The following KIAA1755 variants were observed in gnomAD, a reference collection of about 807,000 sequenced individuals.
KIAA1755 encodes the protein uncharacterized protein KIAA1755.
A neutral mutation model predicts 91.7 loss-of-function variants in KIAA1755; 68 were observed. The ratio of observed to expected loss-of-function variants is 0.74; its 90% confidence interval spans 0.61 to 0.91. The LOEUF (loss-of-function observed/expected upper bound fraction) is 0.91. Ranked by LOEUF, KIAA1755 falls within the 40% of genes least tolerant of loss-of-function variation. The pLI is 0.00. For missense variants in KIAA1755, 1,535 were observed against 1,494.4 expected (o/e 1.03, Z -0.45); for synonymous variants, 610 against 604.6 (o/e 1.01, Z -0.13).
At chr20:38,234,594 G>T (rs1282757100) in intron 4 of KIAA1755, among the ~76,000 whole-genome samples, 2 of 152,214 alleles carry the variant, frequency 1.3e-5, no homozygotes, top group Non-Finnish European at 2.9e-5. Context: ...AGTTCAGCAG[G>T]CCTGAGATTC....
At chr20:38,249,781 T>G (rs73108419) in intron 1 of KIAA1755, among the ~76,000 whole-genome samples, 57,953 of 151,170 alleles carry the variant, frequency 0.38, 11,457 homozygotes, top group Middle Eastern at 0.5. Context: ...TCTGGCCCGG[T>G]GTCCTCTTCT....
Position 38,213,702 on chromosome 20 carries a change from C to T in KIAA1755, c.2943G>A (p.Gln981=), listed in dbSNP as rs753594981. ...CCCTTGAGGTCTTGTCCAGCCTGAG[C>T]TGGGCCATCAGGTCCTGACAGTCCA... ...FHMDCQDLMA[Q]LRLDKTSRVS... is the part of the protein sequence containing the mutation. The change falls in exon 14 of 14, where the codon CAG becomes CAA. Residue 981 remains glutamine, a synonymous_variant. Transcript: ENST00000279024. The T allele has an allele frequency of 1.2e-5, 18 of 1,533,564 alleles. No homozygotes were observed. The highest frequency in any genetic ancestry group is 1.6e-5 in the Non-Finnish European group (18 of 1,140,168). 95.0% of individuals were successfully genotyped at this position (1,533,564 alleles called of 1,614,324 possible). A position where few individuals can be genotyped will look rare whatever the true frequency, so the allele number is the denominator to read the frequency against.
intron 13 of KIAA1755, chr20:38,216,884 G>C (rs1240014327): frequency 4.0e-6 from 2 of 502,296 alleles, no homozygotes; most frequent in African/African-American, 3.8e-5. Context: ...CTTGGTGAAG[G>C]GATCTGTCGT....
chr20:38,228,952 A>G (rs2075810326), intron 5 of KIAA1755, among the ~76,000 whole-genome samples: 1 of 152,160 alleles, frequency 6.6e-6, no homozygotes, highest in African/African-American at 2.4e-5. Flanking sequence ...GATTTTCCAA[A>G]CTGGCACAAT....
rs75224850 is a variant in KIAA1755, at chr20:38,242,185, C to G, written c.202-256G>C. Among the ~76,000 whole-genome samples, 989 of 152,332 alleles carry G rather than the reference C, an allele frequency of 6.5e-3. 12 individuals are homozygous for G. The highest frequency in any genetic ancestry group is 0.061 in the East Asian group (317 of 5,182). On this transcript the variant is annotated intron_variant, in intron 2 of 13. Coordinates refer to ENST00000279024, the MANE Select transcript of KIAA1755 (RefSeq NM_001029864.2). ...AGAGCACCATGCACTAGTTAGCAAT[C>G]GGCTTTCCCAAGTGGTCCCCTTGCT...
Position 38,213,582 on chromosome 20 carries a change from C to T in KIAA1755, c.3063G>A (p.Val1021=). The T allele has an allele frequency of 1.2e-6, 2 of 1,607,406 alleles. No individual in the cohort carries two copies. The highest frequency in any genetic ancestry group is 1.7e-6 in the Non-Finnish European group (2 of 1,176,490). Residue 1021 remains valine, a synonymous_variant, in exon 14 of 14, where the codon GTG becomes GTA. Coordinates refer to ENST00000279024, the MANE Select transcript of KIAA1755 (RefSeq NM_001029864.2). ...AEKLAAVGLQ[V]ASLSRAGLGQ... is the part of the protein sequence containing the mutation. Reference sequence around the variant, plus strand: ...CCAGGCCTGCCCGGCTCAGGGAGGCCACCTGCAGCCCCACGGCTGCGAGCT... The same window carrying T: ...CCAGGCCTGCCCGGCTCAGGGAGGCTACCTGCAGCCCCACGGCTGCGAGCT...
At chr20:38,250,507 T>C (rs1316051621) in intron 1 of KIAA1755, among the ~76,000 whole-genome samples, 5 of 140,166 alleles carry the variant, frequency 3.6e-5, no homozygotes, top group African/African-American at 1.3e-4. Flanking sequence ...TGTGTGTGTG[T>C]GTGTCTGTGT....
At position 38,213,561 on chromosome 20, in the gene KIAA1755, G is replaced by C; in HGVS notation, c.3084C>G (p.Gly1028=). ...CCTCCTCCCATAGCTCCTGGCCCAG[G>C]CCTGCCCGGCTCAGGGAGGCCACCT... The part of the protein sequence containing the change: ...GLQVASLSRA[G]LGQELWEEAR... The change falls in exon 14 of 14, where the codon GGC becomes GGG. Residue 1028 remains glycine (G), a synonymous_variant. Transcript: ENST00000279024. 3 of 1,607,102 alleles carry C rather than the reference G, an allele frequency of 1.9e-6. No homozygotes were observed. Among genetic ancestry groups the C allele is most frequent in the Non-Finnish European group, 2.6e-6 (3 of 1,176,278 alleles).
intron 13 of KIAA1755, among the ~76,000 whole-genome samples, chr20:38,216,685 C>G (rs2075548785): frequency 6.6e-6 from 1 of 152,188 alleles, no homozygotes; most frequent in Non-Finnish European, 1.5e-5. Context: ...TTCACCACTG[C>G]CCTCTTTGGG....
rs375029378 is a variant in KIAA1755 at position 38,241,965 on chromosome 20, C to A, written c.202-36G>T. On this transcript the variant is annotated intron_variant, in intron 2 of 13. Coordinates refer to ENST00000279024, the MANE Select transcript of KIAA1755 (RefSeq NM_001029864.2). Reference sequence around the variant, plus strand: ...AAGGGGATGGCATCAGAGAACCTGGCCCTGAAAGGCTCCACCCTTGGATTT... The same window carrying A: ...AAGGGGATGGCATCAGAGAACCTGGACCTGAAAGGCTCCACCCTTGGATTT... 1.7e-5 allele frequency: 27 copies of A among 1,581,646 alleles called. No individual in the cohort carries two copies. The African/African-American group carries it at 2.2e-4, about 13-fold the overall frequency.
chr20:38,245,826 G>T, intron 2 of KIAA1755, 103 bp downstream of exon 2: 1 of 1,100,002 alleles, frequency 9.1e-7, no homozygotes, highest in Non-Finnish European at 1.3e-6. Context: ...TCAGCTCCCC[G>T]TGAAACAAGA....
chr20:38,240,134 TTTTC>T (rs1285940316), intron 3 of KIAA1755, among the ~76,000 whole-genome samples: 3 of 152,122 alleles, frequency 2.0e-5, no homozygotes, highest in Non-Finnish European at 4.4e-5. Flanking sequence ...TTTTTCCTTC[TTTTC>T]TTTCTTTCTT....
intron 1 of KIAA1755, among the ~76,000 whole-genome samples, chr20:38,252,901 G>A (rs1424329979): frequency 6.6e-6 from 1 of 152,180 alleles, no homozygotes; most frequent in African/African-American, 2.4e-5. Context: ...GTGTGGGGGT[G>A]CCCAGGCGGC....
rs1400806948 is a variant in KIAA1755, at chr20:38,213,099, T to A, written c.3546A>T (p.Thr1182=). The A allele has an allele frequency of 1.9e-6, 3 of 1,594,240 alleles. No individual in the cohort carries two copies. Among genetic ancestry groups the A allele is most frequent in the Middle Eastern group, 1.7e-4 (1 of 5,974 alleles). ...AGTCCTCAAGGGATGTCTGTGAGTC[T>A]GTCCCCTCTGAGGAGAAGCTGCCCC... ...LTGGSFSSEG[T]DSQTSLEDSP... is the part of the protein sequence containing the mutation. The change falls in exon 14 of 14, where the codon ACA becomes ACT. Residue 1182 remains threonine (T), a synonymous_variant. Transcript: ENST00000279024.
chr20:38,232,543 G>A (rs1356912345), intron 4 of KIAA1755, among the ~76,000 whole-genome samples: 2 of 151,722 alleles, frequency 1.3e-5, no homozygotes, highest in Admixed American at 1.3e-4. Context: ...CATGAGAATG[G>A]CGTGAACCTG....
At chr20:38,250,512 C>G (rs1205423) in intron 1 of KIAA1755, among the ~76,000 whole-genome samples, 53,129 of 138,118 alleles carry the variant, frequency 0.38, 10,303 homozygotes, top group Middle Eastern at 0.54. Flanking sequence ...GTGTGTGTGT[C>G]TGTGTGTGTG....
At chr20:38,246,456 G>A (rs2076162663) in intron 1 of KIAA1755, among the ~76,000 whole-genome samples, 1 of 143,656 alleles carries the variant, frequency 7.0e-6, no homozygotes, top group Admixed American at 6.9e-5. Context: ...AGGAATAGGG[G>A]TGGGGGGTGG....
rs147689166 is a variant in KIAA1755 at position 38,250,462 on chromosome 20, ATAT to A, written c.4-4339_4-4337del. 2.9e-3 allele frequency among the ~76,000 whole-genome samples: 422 copies of A among 147,596 alleles called. 7 individuals are homozygous for A. The East Asian group carries it at 0.041, about 14-fold the overall frequency. On this transcript the variant is annotated intron_variant, in intron 1 of 13. Transcript: ENST00000279024. ...AGCCATCACTACAATTTCTGTGGTCATATTATTATTATTATTATTATTATGGTG... is the reference window on the plus strand; with the variant it reads ...AGCCATCACTACAATTTCTGTGGTCATATTATTATTATTATTATTATGGTG...
intron 13 of KIAA1755, among the ~76,000 whole-genome samples, chr20:38,214,261 C>G (rs529236475): frequency 6.6e-6 from 1 of 152,262 alleles, no homozygotes; most frequent in East Asian, 1.9e-4. Flanking sequence ...CATCAGACAC[C>G]TTCTAATAGA....
Sources: gnomAD v4.1 joint callset for allele counts (sites outside exome capture counted in the v4.1 genomes callset) on GRCh38, gnomAD v4.1.1 for gene constraint, MANE v1.5 for transcripts, NCBI Gene and HGNC (gene_info 2026-07-23, HGNC 2026-07-21) for gene names.